ENOX1: variants seen among roughly 807,000 people sequenced by gnomAD.
ENOX1 encodes the protein ecto-NOX disulfide-thiol exchanger 1, also known as candidate growth-related and time keeping constitutive hydroquinone (NADH) oxidase.
A neutral mutation model predicts 82.5 loss-of-function variants in ENOX1; 42 were observed. The ratio of observed to expected loss-of-function variants is 0.51; its 90% confidence interval spans 0.40 to 0.66. ENOX1 has a LOEUF of 0.66. Among genes scored for constraint, ENOX1 ranks in the 30% least tolerant of loss-of-function variants. ENOX1 has a pLI of 0.00. For missense variants in ENOX1, 608 were observed against 811.6 expected, an observed-to-expected ratio of 0.75 and a Z score of 3.05; for synonymous variants, 271 against 282.2, an observed-to-expected ratio of 0.96 and a Z score of 0.40.
chr13:43,755,386 G>A (rs1249085676), intron 1 of ENOX1, among the ~76,000 whole-genome samples: 1 of 152,076 alleles, frequency 6.6e-6, no homozygotes, highest in Non-Finnish European at 1.5e-5. Context: ...TGTCTCTCCA[G>A]GTTGTGTCAC....
At chr13:43,658,763 C>T (rs1337593335) in intron 2 of ENOX1, among the ~76,000 whole-genome samples, 6 of 150,152 alleles carry the variant, frequency 4.0e-5, no homozygotes, top group Non-Finnish European at 8.9e-5. Flanking sequence ...CTTTTACCAT[C>T]ACCTGTGAAT....
At chr13:43,735,627 A>C (rs2089587169) in intron 1 of ENOX1, among the ~76,000 whole-genome samples, 1 of 152,166 alleles carries the variant, frequency 6.6e-6, no homozygotes, top group Admixed American at 6.5e-5. Flanking sequence ...AGGCTGAGGC[A>C]GGAGAACTGC....
intron 1 of ENOX1, among the ~76,000 whole-genome samples, chr13:43,667,995 A>G (rs745387173): frequency 2.6e-5 from 4 of 152,192 alleles, no homozygotes; most frequent in Non-Finnish European, 1.5e-5. Flanking sequence ...AGTATGAGAA[A>G]TTCTTGCAAG....
At chr13:43,464,922 C>T (rs1386844806) in intron 3 of ENOX1, among the ~76,000 whole-genome samples, 1 of 152,118 alleles carries the variant, frequency 6.6e-6, no homozygotes, top group East Asian at 1.9e-4. Context: ...CATTGACGGT[C>T]TTGATGTGTA....
chr13:43,467,076 T>C (rs544635186), intron 3 of ENOX1, among the ~76,000 whole-genome samples: 2 of 152,336 alleles, frequency 1.3e-5, no homozygotes, highest in East Asian at 3.9e-4. Flanking sequence ...AGGAATAAAA[T>C]TGCTATGAAC....
intron 2 of ENOX1, among the ~76,000 whole-genome samples, chr13:43,507,497 C>T (rs2077216669): frequency 6.6e-6 from 1 of 151,960 alleles, no homozygotes; most frequent in Admixed American, 6.6e-5. Context: ...TAGAGCAATG[C>T]CTTCAAATTT....
intron 2 of ENOX1, among the ~76,000 whole-genome samples, chr13:43,641,529 ATTTTTTTTTTTTTT>A (rs769737189): frequency 1.2e-5 from 1 of 83,094 alleles, no homozygotes; most frequent in Non-Finnish European, 2.1e-5. Context: ...TTAATTTTTA[ATTTTTTTTTTTTTT>A]TTTTTTTTTT....
intron 5 of ENOX1, among the ~76,000 whole-genome samples, chr13:43,367,275 GT>G (rs1028091533): frequency 2.0e-5 from 3 of 152,284 alleles, no homozygotes; most frequent in Admixed American, 6.5e-5. Flanking sequence ...GTTGACTTGT[GT>G]CCCCCCAAAA....
chr13:43,698,643 AAAAC>A (rs1462774990), intron 1 of ENOX1, among the ~76,000 whole-genome samples: 3 of 152,192 alleles, frequency 2.0e-5, no homozygotes, highest in East Asian at 1.9e-4. Context: ...GGCAAGAAGT[AAAAC>A]AAACAATGAT....
chr13:43,773,952 T>A (rs1244598327), intron 1 of ENOX1, among the ~76,000 whole-genome samples: 1 of 152,172 alleles, frequency 6.6e-6, no homozygotes, highest in Non-Finnish European at 1.5e-5. Flanking sequence ...AGGCCTATAA[T>A]CGCAATATGA....
chr13:43,317,163 C>T (rs2047549787), intron 11 of ENOX1, among the ~76,000 whole-genome samples: 1 of 152,252 alleles, frequency 6.6e-6, no homozygotes, highest in Non-Finnish European at 1.5e-5. Context: ...TGAGCCATCT[C>T]ACTTTCAGTG....
intron 2 of ENOX1, among the ~76,000 whole-genome samples, chr13:43,611,208 G>A (rs773679851): frequency 5.9e-5 from 9 of 152,068 alleles, no homozygotes; most frequent in Non-Finnish European, 8.8e-5. Context: ...CAAGGTGCCC[G>A]GGGAAACTGC....
intron 2 of ENOX1, among the ~76,000 whole-genome samples, chr13:43,583,726 G>A (rs1016126017): frequency 6.6e-6 from 1 of 151,718 alleles, no homozygotes; most frequent in Non-Finnish European, 1.5e-5. Flanking sequence ...AAAACATCAG[G>A]TCTTCTATTG....
At chr13:43,322,301 A>G in intron 11 of ENOX1, 83 bp downstream of exon 11, 6 of 1,020,086 alleles carry the variant, frequency 5.9e-6, no homozygotes, top group Non-Finnish European at 9.0e-6. Flanking sequence ...AAAGTGAGTT[A>G]TAGGGCCATT....
intron 12 of ENOX1, among the ~76,000 whole-genome samples, chr13:43,283,520 C>T (rs2045519882): frequency 6.6e-6 from 1 of 152,080 alleles, no homozygotes; most frequent in African/African-American, 2.4e-5. Flanking sequence ...TCATGGCTCA[C>T]TACAGCTTTG....
intron 2 of ENOX1, among the ~76,000 whole-genome samples, chr13:43,575,896 G>A (rs567216408): frequency 1.3e-5 from 2 of 152,122 alleles, no homozygotes; most frequent in Non-Finnish European, 1.5e-5. Flanking sequence ...AAATGCCTGG[G>A]CAAAGAATAT....
chr13:43,740,281 A>G (rs1219995715), intron 1 of ENOX1, among the ~76,000 whole-genome samples: 7 of 152,100 alleles, frequency 4.6e-5, no homozygotes, highest in Non-Finnish European at 1.0e-4. Context: ...AGGACTTTGC[A>G]TTTACTCTGA....
At chr13:43,658,782 C>T (rs771222457) in intron 2 of ENOX1, among the ~76,000 whole-genome samples, 4 of 152,156 alleles carry the variant, frequency 2.6e-5, no homozygotes, top group Non-Finnish European at 4.4e-5. Flanking sequence ...ATTCTTTTCG[C>T]CTCGCTCTTG....
intron 5 of ENOX1, among the ~76,000 whole-genome samples, chr13:43,411,210 TAGAGAGA>T (rs1000012696): frequency 6.6e-6 from 1 of 152,198 alleles, no homozygotes; most frequent in African/African-American, 2.4e-5. Flanking sequence ...TTTTTCAATT[TAGAGAGA>T]AAGGCTCTTC....
Sources: allele counts gnomAD v4.1 joint callset (sites outside exome capture counted in the v4.1 genomes callset), GRCh38; gene constraint gnomAD v4.1.1; transcripts MANE v1.5; gene names NCBI Gene and HGNC (gene_info 2026-07-23, HGNC 2026-07-21).